METTL2A: variants seen among roughly 807,000 people sequenced by gnomAD.
METTL2A encodes methyltransferase 2A, tRNA N3-cytidine.
Under a neutral mutation model 49.4 loss-of-function variants are expected in METTL2A, and 45 were observed. The observed-to-expected ratio is 0.91, with a 90% CI of 0.72 to 1.17. The LOEUF (loss-of-function observed/expected upper bound fraction) is 1.17. Ranked by LOEUF, METTL2A falls within the 50% of genes most tolerant of loss-of-function variation. The pLI, the probability that METTL2A is intolerant of heterozygous loss-of-function variation, is 0.00. For missense variants in METTL2A, 361 were observed against 462.2 expected (o/e 0.78, Z 2.01); for synonymous variants, 118 against 167.5 (o/e 0.70, Z 2.28).
At chr17:62,433,477 T>C (rs77238026) in intron 4 of METTL2A, among the ~76,000 whole-genome samples, 14,439 of 150,056 alleles carry the variant, frequency 0.096, 1,816 homozygotes, top group East Asian at 0.45. Flanking sequence ...CGGTGGCTCA[T>C]GCCTGTAATC....
Position 62,426,670 on chromosome 17 carries a change from C to T in METTL2A, c.558+16C>T. ...AATACTGGAGGTAACCTTTTATTGT[C>T]TTGGTAGTGGGATATGTGAAGCTAT... On this transcript the variant is annotated intron_variant, in intron 3 of 8. Coordinates refer to ENST00000311506, the MANE Select transcript of METTL2A (RefSeq NM_181725.4). The T allele has an allele frequency of 9.6e-7, 1 of 1,037,536 alleles. No homozygotes were observed. Among genetic ancestry groups the T allele is most frequent in the East Asian group, 2.4e-5 (1 of 41,140 alleles). 64.3% of individuals were successfully genotyped at this position (1,037,536 alleles called of 1,614,324 possible). A position where few individuals can be genotyped will look rare whatever the true frequency, so the allele number is the denominator to read the frequency against.
chr17:62,453,144 G>A lies in METTL2A; in HGVS notation c.*4415G>A, dbSNP rs2070814083. On this transcript the variant is annotated 3_prime_UTR_variant, in exon 9 of 9. Coordinates refer to ENST00000311506, the MANE Select transcript of METTL2A (RefSeq NM_181725.4). ...TTTTATTTTATCTTTCTGGCACCTG[G>A]TTTGGGCTTTGGGCTTAGATTAAAA... Among the ~76,000 whole-genome samples the A allele has an allele frequency of 6.6e-6, 1 of 152,096 alleles. No individual in the cohort carries two copies. The highest frequency in any genetic ancestry group is 1.5e-5 in the Non-Finnish European group (1 of 68,012).
At chr17:62,441,425 C>G (rs1344410773) in intron 6 of METTL2A, among the ~76,000 whole-genome samples, 1 of 152,024 alleles carries the variant, frequency 6.6e-6, no homozygotes, top group Non-Finnish European at 1.5e-5. Context: ...TAGGTAATGT[C>G]TCATTATTGG....
At chr17:62,447,152 C>T (rs981541964) in intron 7 of METTL2A, among the ~76,000 whole-genome samples, 2 of 152,160 alleles carry the variant, frequency 1.3e-5, no homozygotes, top group African/African-American at 4.8e-5. Context: ...GGCACGGTGG[C>T]TCATGCCTTT....
intron 6 of METTL2A, among the ~76,000 whole-genome samples, chr17:62,441,175 A>G (rs371467742): frequency 5.3e-5 from 8 of 152,356 alleles, no homozygotes; most frequent in Admixed American, 2.0e-4. Flanking sequence ...TGATAGACAC[A>G]AAGAAGCCAC....
Position 62,453,113 on chromosome 17 carries a change from C to T in METTL2A, c.*4384C>T, listed in dbSNP as rs2070813958. 6.6e-6 allele frequency among the ~76,000 whole-genome samples: 1 copy of T among 152,150 alleles called. No individual in the cohort carries two copies. The highest frequency in any genetic ancestry group is 1.5e-5 in the Non-Finnish European group (1 of 68,032). ...CCCTAAAGCATTTCAACACTATAGG[C>T]ACAGTTTTTATTTTATCTTTCTGGC... On this transcript the variant is annotated 3_prime_UTR_variant, in exon 9 of 9. Coordinates refer to ENST00000311506, the MANE Select transcript of METTL2A (RefSeq NM_181725.4).
intron 2 of METTL2A, among the ~76,000 whole-genome samples, chr17:62,425,797 G>A (rs1339077838): frequency 6.7e-5 from 10 of 148,666 alleles, no homozygotes; most frequent in South Asian, 2.2e-4. Context: ...TCAGGAGATC[G>A]AGACCATCCT....
intron 5 of METTL2A, among the ~76,000 whole-genome samples, chr17:62,437,372 T>TA (rs1218018729): frequency 6.6e-6 from 1 of 152,154 alleles, no homozygotes; most frequent in Non-Finnish European, 1.5e-5. Flanking sequence ...CCTGGTATCT[T>TA]ACCTGTCATT....
chr17:62,437,224 A>AT (rs1330268759), intron 5 of METTL2A, among the ~76,000 whole-genome samples: 1 of 150,642 alleles, frequency 6.6e-6, no homozygotes, highest in East Asian at 2.0e-4. Flanking sequence ...GTAGCCTTGA[A>AT]TTTTGGGCTC....
At chr17:62,434,714 G>A (rs2070689356) in intron 4 of METTL2A, 1 of 156,850 alleles carries the variant, frequency 6.4e-6, no homozygotes, top group Non-Finnish European at 1.4e-5. Context: ...GGGATTTTGT[G>A]TTGTTCATCT....
chr17:62,445,568 G>C (rs2070763081), intron 7 of METTL2A, among the ~76,000 whole-genome samples: 1 of 152,160 alleles, frequency 6.6e-6, no homozygotes. Context: ...GGAGGCCGAG[G>C]TGGGTGGATC....
Position 62,447,643 on chromosome 17 carries a change from A to G in METTL2A, c.917-58A>G, listed in dbSNP as rs535104106. On this transcript the variant is annotated intron_variant, in intron 7 of 8. Coordinates refer to ENST00000311506, the MANE Select transcript of METTL2A (RefSeq NM_181725.4). ...GACCTCCCAGTTAACATTCCTTAGC[A>G]ATGCGAGTCAAAGAAGTGCTTTTAA... The G allele has an allele frequency of 3.8e-6, 6 of 1,593,566 alleles. No homozygotes were observed. The South Asian group carries it at 5.5e-5, about 15-fold the overall frequency.
At chr17:62,446,222 C>T (rs1033032866) in intron 7 of METTL2A, among the ~76,000 whole-genome samples, 7 of 152,252 alleles carry the variant, frequency 4.6e-5, no homozygotes, top group Non-Finnish European at 7.4e-5. Flanking sequence ...GGCGTGATCT[C>T]GGCTCACTGC....
At chr17:62,433,558 G>C (rs2070680203) in intron 4 of METTL2A, among the ~76,000 whole-genome samples, 1 of 151,798 alleles carries the variant, frequency 6.6e-6, no homozygotes, top group South Asian at 2.1e-4. Context: ...TAGTCAACAT[G>C]GTGAAACCCC....
At chr17:62,425,524 C>G (rs1002025988) in intron 2 of METTL2A, among the ~76,000 whole-genome samples, 7 of 148,182 alleles carry the variant, frequency 4.7e-5, no homozygotes, top group African/African-American at 1.7e-4. Flanking sequence ...GTAGCTGGGA[C>G]TACAGGTGTG....
At chr17:62,434,603 T>C (rs1171115202) in intron 4 of METTL2A, among the ~76,000 whole-genome samples, 4 of 152,358 alleles carry the variant, frequency 2.6e-5, no homozygotes, top group South Asian at 4.1e-4. Flanking sequence ...TGCTTCATAA[T>C]TGAAAGCAAT....
At chr17:62,439,595 G>A (rs560065127) in intron 5 of METTL2A, among the ~76,000 whole-genome samples, 24 of 151,462 alleles carry the variant, frequency 1.6e-4, no homozygotes, top group African/African-American at 4.1e-4. Flanking sequence ...CACCACGCCC[G>A]GCTAATTTTT....
Position 62,424,214 on chromosome 17 carries a change from C to A in METTL2A, c.111-5C>A. On this transcript the variant is annotated splice_region_variant and splice_polypyrimidine_tract_variant and intron_variant, in intron 1 of 8. Coordinates refer to ENST00000311506, the MANE Select transcript of METTL2A (RefSeq NM_181725.4). ...GCCCCTAAGCTGCCCGTTTGATTTTCTCAGGGACAATGTGGAGTGGTCGGA... is the reference window on the plus strand; with the variant it reads ...GCCCCTAAGCTGCCCGTTTGATTTTATCAGGGACAATGTGGAGTGGTCGGA... 6.2e-7 allele frequency: 1 copy of A among 1,614,174 alleles called. No individual in the cohort carries two copies. Among genetic ancestry groups the A allele is most frequent in the Non-Finnish European group, 8.5e-7 (1 of 1,180,042 alleles).
intron 5 of METTL2A, among the ~76,000 whole-genome samples, chr17:62,438,330 C>T (rs1341769562): frequency 6.6e-6 from 1 of 151,068 alleles, no homozygotes; most frequent in African/African-American, 2.4e-5. Context: ...TCGCTTGAAT[C>T]TGGGAGGCAG....
Sources: allele counts gnomAD v4.1 joint callset (sites outside exome capture counted in the v4.1 genomes callset), GRCh38; gene constraint gnomAD v4.1.1; transcripts MANE v1.5; gene names NCBI Gene and HGNC (gene_info 2026-07-23, HGNC 2026-07-21).